Variants in VAT1L observed in about 807,000 individuals in gnomAD.
The protein encoded by VAT1L is putative NADPH-dependent quinone oxidoreductase VAT1L.
Under a neutral mutation model 44.1 loss-of-function variants are expected in VAT1L, and 34 were observed. That is an observed-to-expected ratio of 0.77 (90% confidence interval 0.59 to 1.03). The LOEUF (loss-of-function observed/expected upper bound fraction) is 1.03, where lower values mean the gene tolerates loss of function less well. Ranked by LOEUF, VAT1L falls within the 50% of genes least tolerant of loss-of-function variation. The pLI is 0.00. For missense variants in VAT1L, 615 were observed against 538.8 expected, an observed-to-expected ratio of 1.14 and a Z score of -1.40; for synonymous variants, 253 against 202.2, an observed-to-expected ratio of 1.25 and a Z score of -2.13.
At chr16:77,812,196 C>T (rs186150693) in intron 1 of VAT1L, among the ~76,000 whole-genome samples, 6 of 151,832 alleles carry the variant, frequency 4.0e-5, no homozygotes, top group Admixed American at 6.6e-5. Context: ...CCTCAGTCTC[C>T]TGAGTAGCTG....
intron 4 of VAT1L, among the ~76,000 whole-genome samples, chr16:77,874,011 A>T (rs2017061106): frequency 6.7e-6 from 1 of 149,060 alleles, no homozygotes; most frequent in Non-Finnish European, 1.5e-5. Context: ...ACAGAGCAAC[A>T]GGTCAAGGTG....
Position 77,845,567 on chromosome 16 carries a change from G to A in VAT1L, c.580-17181G>A, listed in dbSNP as rs534938649. ...ACTTTTACCCTAGGGTCCACTTGTG[G>A]GGAAATTCAAACCCTTTGAACAAGT... On this transcript the variant is annotated intron_variant, in intron 3 of 8. Transcript: ENST00000302536. 5.8e-4 allele frequency among the ~76,000 whole-genome samples: 89 copies of A among 152,200 alleles called. 1 individual carries two copies. Among genetic ancestry groups the A allele is most frequent in the African/African-American group, 2.1e-3 (88 of 41,520 alleles).
At chr16:77,874,116 T>C (rs950611978) in intron 4 of VAT1L, among the ~76,000 whole-genome samples, 1 of 151,934 alleles carries the variant, frequency 6.6e-6, no homozygotes, top group Non-Finnish European at 1.5e-5. Flanking sequence ...GGACAAAAAT[T>C]CAAGGCTGGG....
chr16:77,935,933 T>G (rs966927292), intron 7 of VAT1L, among the ~76,000 whole-genome samples: 1 of 152,202 alleles, frequency 6.6e-6, no homozygotes, highest in African/African-American at 2.4e-5. Flanking sequence ...TAAAACATGG[T>G]AGATGCCTAA....
rs975481332 is a variant in VAT1L at position 77,950,247 on chromosome 16, A to G, written c.1078-21603A>G. On this transcript the variant is annotated intron_variant, in intron 7 of 8. Transcript: ENST00000302536. ...AACATGGGGAAACCCCATCTCTACT[A>G]AAAATACAAAAATTAGCCAGGTGTG... 9.9e-5 allele frequency among the ~76,000 whole-genome samples: 15 copies of G among 152,240 alleles called. No homozygotes were observed. The East Asian group carries it at 2.3e-3, about 23-fold the overall frequency.
chr16:77,829,376 C>T (rs532544736), intron 3 of VAT1L, among the ~76,000 whole-genome samples: 58 of 152,238 alleles, frequency 3.8e-4, no homozygotes, highest in Admixed American at 9.8e-4. Flanking sequence ...GACTTCTGTC[C>T]GAGTTTCATC....
rs984628362 is a variant in VAT1L, at chr16:77,979,422, A to G, written c.*1727A>G. On this transcript the variant is annotated 3_prime_UTR_variant, in exon 9 of 9. Transcript: ENST00000302536. Reference sequence around the variant, plus strand: ...GAGATAATGGGGCGTTTATTCCCCTATTACCTTTGCTAAGTGCTATATTAT... The same window carrying G: ...GAGATAATGGGGCGTTTATTCCCCTGTTACCTTTGCTAAGTGCTATATTAT... 4 of 152,112 alleles carry G rather than the reference A, an allele frequency of 2.6e-5. No individual in the cohort carries two copies. Among genetic ancestry groups the G allele is most frequent in the African/African-American group, 9.7e-5 (4 of 41,410 alleles). The allele number at this position is 152,112 out of a possible 1,614,324, so 9.4% of individuals were successfully genotyped here.
chr16:77,845,106 C>G (rs1457564416), intron 3 of VAT1L, among the ~76,000 whole-genome samples: 1 of 151,182 alleles, frequency 6.6e-6, no homozygotes, highest in East Asian at 1.9e-4. Flanking sequence ...AGTCACAGAG[C>G]TTGCTTGCTA....
At chr16:77,790,594 C>CA (rs566745651) in intron 1 of VAT1L, among the ~76,000 whole-genome samples, 30 of 151,798 alleles carry the variant, frequency 2.0e-4, no homozygotes, top group Non-Finnish European at 3.7e-4. Context: ...ACCACTTCAT[C>CA]AAAAAAAATT....
rs946061486 is a variant in VAT1L at position 77,788,618 on chromosome 16, C to T, written c.-65C>T. The T allele has an allele frequency of 1.3e-5, 20 of 1,523,024 alleles. No homozygotes were observed. Among genetic ancestry groups the T allele is most frequent in the Middle Eastern group, 4.6e-4 (2 of 4,314 alleles). 94.3% of individuals were successfully genotyped at this position (1,523,024 alleles called of 1,614,324 possible). ...AGGAGGAACCCGCGGGAGAGGAGCC[C>T]CACTCCCCCAGCGCCGCAGCCACCG... On this transcript the variant is annotated 5_prime_UTR_variant, in exon 1 of 9. Transcript: ENST00000302536.
At chr16:77,945,483 T>G (rs2017949913) in intron 7 of VAT1L, among the ~76,000 whole-genome samples, 1 of 151,886 alleles carries the variant, frequency 6.6e-6, no homozygotes, top group Non-Finnish European at 1.5e-5. Flanking sequence ...TGAGACAGGC[T>G]CTTACTGTGT....
intron 7 of VAT1L, among the ~76,000 whole-genome samples, chr16:77,928,838 G>C (rs925644223): frequency 6.6e-6 from 1 of 151,978 alleles, no homozygotes; most frequent in Non-Finnish European, 1.5e-5. Flanking sequence ...TTGTTTTTGA[G>C]ATGGAGTCTC....
intron 7 of VAT1L, among the ~76,000 whole-genome samples, chr16:77,940,577 A>T (rs7191422): frequency 0.54 from 81,445 of 151,262 alleles, 22,029 homozygotes; most frequent in East Asian, 0.57. Context: ...ACTCCTGACC[A>T]CGTGATCCGC....
chr16:77,830,581 T>C (rs1279307266), intron 3 of VAT1L, among the ~76,000 whole-genome samples: 1 of 152,210 alleles, frequency 6.6e-6, no homozygotes, highest in African/African-American at 2.4e-5. Context: ...CTGCACAAGC[T>C]CTCTTCCCTG....
rs533247038 is a variant in VAT1L, at chr16:77,832,202, G to A, written c.579+6741G>A. On this transcript the variant is annotated intron_variant, in intron 3 of 8. Coordinates refer to ENST00000302536, the MANE Select transcript of VAT1L (RefSeq NM_020927.3). ...TGGCATTAAGGAAGTATGGGCAAAC[G>A]GTATCTTGGAAATCTCTGTATAGTC... Among the ~76,000 whole-genome samples the A allele has an allele frequency of 7.2e-5, 11 of 151,874 alleles. No homozygotes were observed. In the South Asian group the frequency reaches 1.7e-3, roughly 23 times the overall value.
intron 7 of VAT1L, among the ~76,000 whole-genome samples, chr16:77,952,766 G>T (rs1038608360): frequency 1.4e-5 from 2 of 148,018 alleles, no homozygotes; most frequent in African/African-American, 5.0e-5. Flanking sequence ...GCTGAGGCAG[G>T]AGAATCGTTT....
chr16:77,845,960 A>C (rs752827210), intron 3 of VAT1L, among the ~76,000 whole-genome samples: 10 of 152,106 alleles, frequency 6.6e-5, no homozygotes, highest in Non-Finnish European at 1.3e-4. Context: ...CCAGGCACTA[A>C]TGTGTGCAAT....
chr16:77,951,804 T>A (rs1018349588), intron 7 of VAT1L, among the ~76,000 whole-genome samples: 1 of 149,718 alleles, frequency 6.7e-6, no homozygotes, highest in African/African-American at 2.5e-5. Flanking sequence ...TGTAGTTTTC[T>A]GTATCTGTGT....
intron 7 of VAT1L, among the ~76,000 whole-genome samples, chr16:77,909,605 C>A (rs2017476310): frequency 6.8e-6 from 1 of 147,356 alleles, no homozygotes; most frequent in Non-Finnish European, 1.5e-5. Flanking sequence ...ACACCGCACT[C>A]CAGCCTGGGC....
Sources: gnomAD v4.1 joint callset for allele counts (sites outside exome capture counted in the v4.1 genomes callset) on GRCh38, gnomAD v4.1.1 for gene constraint, MANE v1.5 for transcripts, NCBI Gene and HGNC (gene_info 2026-07-23, HGNC 2026-07-21) for gene names.